The following ELAVL4 variants were observed in gnomAD, a reference collection of about 807,000 sequenced individuals.
The protein encoded by ELAVL4 is ELAV-like protein 4.
Under a neutral mutation model 35.6 loss-of-function variants are expected in ELAVL4, and 1 was observed. The observed-to-expected ratio is 0.03, with a 90% CI of 0.01 to 0.13. ELAVL4 has a LOEUF of 0.13. Ranked by LOEUF, ELAVL4 falls within the 10% of genes least tolerant of loss-of-function variation. ELAVL4 has a pLI of 1.00. For synonymous variants in ELAVL4, 156 were observed against 171.0 expected (o/e 0.91, Z 0.69); for missense variants, 267 against 464.9 (o/e 0.57, Z 3.91).
chr1:50,155,964 C>T (rs571500724), intron 2 of ELAVL4, among the ~76,000 whole-genome samples: 13 of 152,282 alleles, frequency 8.5e-5, no homozygotes, highest in African/African-American at 2.6e-4. Context: ...CCAAGAGCTC[C>T]GCACACCCCA....
chr1:50,192,519 GCACACACA>G lies in ELAVL4; in HGVS notation c.355-1208_355-1201del, dbSNP rs5774068. ...TTTGCACACATGCTTTTGTGTGCAC[GCACACACA>G]CACACACACACACACACACACACAC... On this transcript the variant is annotated intron_variant, in intron 3 of 6. Transcript: ENST00000371824. Among the ~76,000 whole-genome samples, 1,341 of 140,428 alleles carry G rather than the reference GCACACACA, an allele frequency of 9.5e-3. 12 individuals are homozygous for G. The highest frequency in any genetic ancestry group is 0.021 in the African/African-American group (809 of 37,992). The allele number at this position is 140,428 out of a possible 152,430, so 92.1% of individuals were successfully genotyped here.
intron 2 of ELAVL4, among the ~76,000 whole-genome samples, chr1:50,169,562 G>C (rs575501686): frequency 8.5e-5 from 13 of 152,156 alleles, no homozygotes; most frequent in Admixed American, 3.3e-4. Flanking sequence ...TAAATTCAGT[G>C]ATGGCAGAAA....
chr1:50,086,258 T>C (rs1361428961), intron 1 of ELAVL4, among the ~76,000 whole-genome samples: 1 of 152,054 alleles, frequency 6.6e-6, no homozygotes, highest in Non-Finnish European at 1.5e-5. Flanking sequence ...CTAGTTATTT[T>C]ATGGTTTGAT....
At chr1:50,138,016 C>T (rs781750524) in intron 1 of ELAVL4, among the ~76,000 whole-genome samples, 1 of 152,146 alleles carries the variant, frequency 6.6e-6, no homozygotes, top group African/African-American at 2.4e-5. Context: ...CCACCAGGTT[C>T]TATTCTTTTC....
chr1:50,194,789 G>T (rs1643923105), intron 4 of ELAVL4, among the ~76,000 whole-genome samples: 1 of 152,188 alleles, frequency 6.6e-6, no homozygotes, highest in Non-Finnish European at 1.5e-5. Context: ...CCCCATTGAG[G>T]AGGCAATGTT....
upstream of ELAVL4, chr1:50,106,290 T>C (rs1247272873): frequency 6.2e-7 from 1 of 1,611,142 alleles, no homozygotes; most frequent in East Asian, 2.2e-5. Context: ...CTGAGATATC[T>C]GCAACCTTTG....
exon 1 of ELAVL4, chr1:50,048,152 C>A: frequency 1.3e-6 from 2 of 1,521,678 alleles, no homozygotes; most frequent in Non-Finnish European, 1.8e-6. Flanking sequence ...GGCCGGATCG[C>A]CCGGCGGGGA....
At chr1:50,049,121 G>A (rs546245191) in intron 1 of ELAVL4, among the ~76,000 whole-genome samples, 2 of 152,276 alleles carry the variant, frequency 1.3e-5, no homozygotes, top group East Asian at 1.9e-4. Context: ...TACCACTCAA[G>A]GGTAATAATT....
chr1:50,179,725 A>C (rs528351388), intron 3 of ELAVL4: 6 of 152,164 alleles, frequency 3.9e-5, no homozygotes. Context: ...CTTTGGTCAA[A>C]TTTCCCCCTC....
intron 1 of ELAVL4, among the ~76,000 whole-genome samples, chr1:50,050,662 G>A (rs1663306399): frequency 6.6e-6 from 1 of 152,136 alleles, no homozygotes; most frequent in Admixed American, 6.5e-5. Context: ...AAAAGTGATT[G>A]TCTTGTGCCA....
upstream of ELAVL4, chr1:50,104,082 G>A (rs1413809909): frequency 3.3e-6 from 5 of 1,513,764 alleles, no homozygotes; most frequent in East Asian, 4.5e-5. Context: ...TTTGCCTTAG[G>A]GTAACAAGAC....
intron 1 of ELAVL4, among the ~76,000 whole-genome samples, chr1:50,118,638 G>A (rs1260922605): frequency 4.6e-5 from 7 of 151,974 alleles, no homozygotes; most frequent in Non-Finnish European, 8.8e-5. Context: ...TTCCCCAAGG[G>A]TCTGAAGGGG....
chr1:50,083,474 T>A (rs1320083300), intron 1 of ELAVL4, among the ~76,000 whole-genome samples: 1 of 152,182 alleles, frequency 6.6e-6, no homozygotes, highest in East Asian at 1.9e-4. Context: ...CTAGAGTCTT[T>A]AAGGTTGAAC....
intron 3 of ELAVL4, among the ~76,000 whole-genome samples, chr1:50,178,571 T>C (rs990386238): frequency 3.3e-5 from 5 of 152,244 alleles, no homozygotes; most frequent in Admixed American, 3.3e-4. Context: ...AAAATGGACC[T>C]GATTCAGGCT....
chr1:50,160,052 A>G (rs1676514893), intron 2 of ELAVL4, among the ~76,000 whole-genome samples: 1 of 152,176 alleles, frequency 6.6e-6, no homozygotes. Context: ...GTATGATTCA[A>G]ACCGTGGGTT....
intron 2 of ELAVL4, among the ~76,000 whole-genome samples, chr1:50,168,212 G>A (rs1678301816): frequency 6.6e-6 from 1 of 152,098 alleles, no homozygotes; most frequent in South Asian, 2.1e-4. Flanking sequence ...GAGGCCATTG[G>A]CGCAAACTGG....
chr1:50,121,853 C>T (rs7515388), intron 1 of ELAVL4, among the ~76,000 whole-genome samples: 39,429 of 151,884 alleles, frequency 0.26, 5,374 homozygotes, highest in East Asian at 0.34. Context: ...ACTAGGAAAC[C>T]TTATGCCTTG....
chr1:50,109,015 T>TCGGGGGGGGGGGGC lies in ELAVL4; in HGVS notation c.-174_-173insGGGGGGGGGGGGCC. The TCGGGGGGGGGGGGC allele has an allele frequency of 2.1e-6, 2 of 961,032 alleles. No individual in the cohort carries two copies. The highest frequency in any genetic ancestry group is 2.4e-6 in the Non-Finnish European group (2 of 816,918). 59.5% of individuals were successfully genotyped at this position (961,032 alleles called of 1,614,324 possible). ...GCTCCTTTTCTTTTTTTTCTTTCTC[T>TCGGGGGGGGGGGGC]CCCCCGCCCACCCCCCCAAAAATAA... On this transcript the variant is annotated 5_prime_UTR_variant, in exon 1 of 7. Coordinates refer to ENST00000371824, the MANE Select transcript of ELAVL4 (RefSeq NM_001144774.3).
chr1:50,148,695 G>C (rs965934947), intron 2 of ELAVL4, among the ~76,000 whole-genome samples: 4 of 152,186 alleles, frequency 2.6e-5, no homozygotes, highest in African/African-American at 9.7e-5. Context: ...TCTACCTGCA[G>C]CCTCTGCTGC....
Sources: allele counts gnomAD v4.1 joint callset (sites outside exome capture counted in the v4.1 genomes callset), GRCh38; gene constraint gnomAD v4.1.1; transcripts MANE v1.5; gene names NCBI Gene and HGNC (gene_info 2026-07-23, HGNC 2026-07-21).